ANKRD46: variants seen among roughly 807,000 people sequenced by gnomAD.
The protein encoded by ANKRD46 is ankyrin repeat domain 46.
ANKRD46 carries 13 observed loss-of-function variants against 19.8 expected under a neutral mutation model. The observed-to-expected ratio is 0.66, with a 90% CI of 0.43 to 1.04. The LOEUF (loss-of-function observed/expected upper bound fraction) is 1.04, where lower values mean the gene tolerates loss of function less well. ANKRD46 is among the 50% of genes least tolerant of loss of function. The probability of loss-of-function intolerance (pLI) is 0.00; values close to 1 mark genes in which losing one functional copy is unlikely to be tolerated. For missense variants in ANKRD46, 185 were observed against 274.8 expected (o/e 0.67, Z 2.31); for synonymous variants, 91 against 106.9 (o/e 0.85, Z 0.92).
At position 100,546,045 on chromosome 8, in the gene ANKRD46, T is replaced by C. The variant is rs1164830013; in HGVS notation, c.-130-12734A>G. Among the ~76,000 whole-genome samples, 6 of 152,346 alleles carry C rather than the reference T, an allele frequency of 3.9e-5. No homozygotes were observed. The East Asian group carries it at 7.7e-4, about 20-fold the overall frequency. ...GTGTTCACGAAGAGATAATCTGCAA[T>C]TGGAACTTCTGTTTAAAAGCGAAGC... On this transcript the variant is annotated intron_variant, in intron 1 of 4. Transcript: ENST00000335659. This position sits in a 1 kb window ranked among gnomAD's most constrained non-coding sequence, Gnocchi z 4.0.
At chr8:100,542,731 T>C (rs553626760) in intron 1 of ANKRD46, among the ~76,000 whole-genome samples, 38 of 152,066 alleles carry the variant, frequency 2.5e-4, no homozygotes, top group Admixed American at 2.0e-3. Flanking sequence ...TTCATGAGGA[T>C]AGAAATAAAT....
At chr8:100,514,952 C>T (rs1009178542) in intron 5 of ANKRD46, among the ~76,000 whole-genome samples, 22 of 152,088 alleles carry the variant, frequency 1.4e-4, no homozygotes, top group Non-Finnish European at 2.6e-4. Context: ...ATTCCCCCAT[C>T]TTTACACATA....
At chr8:100,517,645 T>C (rs1312200196), downstream of ANKRD46, among the ~76,000 whole-genome samples, 2 of 152,226 alleles carry the variant, frequency 1.3e-5, no homozygotes, top group Non-Finnish European at 2.9e-5. Context: ...TGCCAGCCTA[T>C]GTGTGCTTTG....
intron 1 of ANKRD46, among the ~76,000 whole-genome samples, chr8:100,552,606 C>T (rs1420530873): frequency 2.0e-5 from 3 of 152,168 alleles, no homozygotes; most frequent in East Asian, 1.9e-4. Context: ...ATATCACATT[C>T]CCTAGCTATT....
chr8:100,528,029 T>G (rs549481711), intron 3 of ANKRD46, 26 bp from the exon 4 acceptor site: 101 of 1,360,362 alleles, frequency 7.4e-5, no homozygotes, highest in Non-Finnish European at 9.4e-5. Context: ...AAAAAAAAAG[T>G]TTATAAAAAT....
At chr8:100,535,601 C>T (rs1232787731) in intron 1 of ANKRD46, among the ~76,000 whole-genome samples, 1 of 152,182 alleles carries the variant, frequency 6.6e-6, no homozygotes, top group African/African-American at 2.4e-5. Context: ...CCTAGTCTTC[C>T]ACTTCTTTAA....
Position 100,522,333 on chromosome 8 carries a change from A to G in ANKRD46, c.*222T>C. 1 of 1,359,244 alleles carries G rather than the reference A, an allele frequency of 7.4e-7. No homozygotes were observed. The highest frequency in any genetic ancestry group is 2.8e-5 in the East Asian group (1 of 35,136). The allele number at this position is 1,359,244 out of a possible 1,614,324, so 84.2% of individuals were successfully genotyped here. ...TACGTGTAGGCTTTCCTACAAAGTCAGGTTGAGTCAGAGGTAGCGTTAGGA... is the reference window on the plus strand; with the variant it reads ...TACGTGTAGGCTTTCCTACAAAGTCGGGTTGAGTCAGAGGTAGCGTTAGGA... On this transcript the variant is annotated 3_prime_UTR_variant, in exon 5 of 5. Transcript: ENST00000335659.
Position 100,545,314 on chromosome 8 carries a change from C to T in ANKRD46, c.-130-12003G>A, listed in dbSNP as rs537711523. On this transcript the variant is annotated intron_variant, in intron 1 of 4. Coordinates refer to ENST00000335659, the MANE Select transcript of ANKRD46 (RefSeq NM_001270377.2). This position sits in a 1 kb window ranked among gnomAD's most constrained non-coding sequence, Gnocchi z 4.7. The stretch of plus-strand genomic sequence containing the variant: ...AGTCCCCACATATCAAGGAAGGGAC[C>T]TGGTGGGAGGTGAATGGAGCATGGG... Among the ~76,000 whole-genome samples the T allele has an allele frequency of 3.3e-4, 50 of 152,034 alleles. No homozygotes were observed. The highest frequency in any genetic ancestry group is 1.0e-3 in the Admixed American group (16 of 15,266).
At chr8:100,552,769 CA>C (rs779052376) in intron 1 of ANKRD46, among the ~76,000 whole-genome samples, 51 of 152,300 alleles carry the variant, frequency 3.3e-4, no homozygotes, top group Non-Finnish European at 5.9e-4. Flanking sequence ...AGCAAGTATA[CA>C]GAGTGAGGCA....
rs1011894792 is a variant in ANKRD46, at chr8:100,524,851, G to A, written c.471-2080C>T. Among the ~76,000 whole-genome samples the A allele has an allele frequency of 2.6e-5, 4 of 152,160 alleles. No homozygotes were observed. The highest frequency in any genetic ancestry group is 6.5e-5 in the Admixed American group (1 of 15,280). ...TTTATCCAATGAAATGCTTTCTACT[G>A]TCCAGGGAATATCTGATTCTAACAT... On this transcript the variant is annotated intron_variant, in intron 4 of 4. Transcript: ENST00000335659. The surrounding 1 kb of genome is among the most constrained non-coding windows in gnomAD (Gnocchi z 4.3).
At chr8:100,539,414 A>G (rs992378715) in intron 1 of ANKRD46, among the ~76,000 whole-genome samples, 4 of 152,252 alleles carry the variant, frequency 2.6e-5, no homozygotes, top group Non-Finnish European at 5.9e-5. Flanking sequence ...ATATCCCAGT[A>G]CTATGAAGAA....
downstream of ANKRD46, among the ~76,000 whole-genome samples, chr8:100,519,272 C>G (rs781596885): frequency 1.3e-5 from 2 of 152,176 alleles, no homozygotes; most frequent in Non-Finnish European, 2.9e-5. Flanking sequence ...TTGTTTGCAT[C>G]AAAGTTTCCT....
rs553298677 is a variant in ANKRD46, at chr8:100,549,050, GA to G, written c.-131+10660del. Among the ~76,000 whole-genome samples, 117 of 140,584 alleles carry G rather than the reference GA, an allele frequency of 8.3e-4. 1 individual carries two copies. The highest frequency in any genetic ancestry group is 2.1e-3 in the African/African-American group (80 of 38,620). 92.2% of individuals were successfully genotyped at this position (140,584 alleles called of 152,430 possible). A position where few individuals can be genotyped will look rare whatever the true frequency, so the allele number is the denominator to read the frequency against. ...AAATTTTAAAGATTTACCCAGAAATGAAAAAAAAAAGTAATTTGGGTATTTC... is the reference window on the plus strand; with the variant it reads ...AAATTTTAAAGATTTACCCAGAAATGAAAAAAAAAGTAATTTGGGTATTTC... On this transcript the variant is annotated intron_variant, in intron 1 of 4. Transcript: ENST00000335659.
intron 1 of ANKRD46, among the ~76,000 whole-genome samples, chr8:100,538,973 A>C (rs1396634817): frequency 6.6e-6 from 1 of 152,222 alleles, no homozygotes; most frequent in East Asian, 1.9e-4. Flanking sequence ...TTCCTATCAC[A>C]TAGATTCAAT....
At chr8:100,551,040 C>T (rs998477272) in intron 1 of ANKRD46, 16 of 512,820 alleles carry the variant, frequency 3.1e-5, no homozygotes, top group Admixed American at 8.7e-5. Flanking sequence ...TGCTAGTGAG[C>T]TTCCTGTTCA....
In ANKRD46 at chr8:100,555,884, GCTGTAT is replaced by G. The variant is rs577738101; in HGVS notation, c.-131+3821_-131+3826del. 1.4e-4 allele frequency among the ~76,000 whole-genome samples: 22 copies of G among 152,092 alleles called. No homozygotes were observed. The East Asian group carries it at 4.1e-3, about 28-fold the overall frequency. ...TTTTACATCTACAATGCAACAGATGGCTGTATTTGCTATGGAAAAGGCACATTTATC... is the reference window on the plus strand; with the variant it reads ...TTTTACATCTACAATGCAACAGATGGTTGCTATGGAAAAGGCACATTTATC... On this transcript the variant is annotated intron_variant, in intron 1 of 4. Coordinates refer to ENST00000335659, the MANE Select transcript of ANKRD46 (RefSeq NM_001270377.2).
chr8:100,513,809 C>T (rs968552009), intron 5 of ANKRD46, among the ~76,000 whole-genome samples: 5 of 152,142 alleles, frequency 3.3e-5, no homozygotes, highest in Non-Finnish European at 7.4e-5. Context: ...TTCTCCTAAA[C>T]TTGAATCACA....
At chr8:100,539,859 G>T (rs1318662341) in intron 1 of ANKRD46, among the ~76,000 whole-genome samples, 1 of 151,980 alleles carries the variant, frequency 6.6e-6, no homozygotes, top group Non-Finnish European at 1.5e-5. Context: ...GACTAGCCTG[G>T]GCAACAATGC....
In ANKRD46 at chr8:100,527,948, C is replaced by G; in HGVS notation, c.367G>C (p.Asp123His). 6.3e-7 allele frequency: 1 copy of G among 1,591,466 alleles called. No individual in the cohort carries two copies. The highest frequency in any genetic ancestry group is 1.4e-5 in the African/African-American group (1 of 71,408). ...AAAGATTCCAGCAATCGGATGACAT[C>G]TTTATTTACTCCTCTGCGCTTTGCC... ...VLAKRRGVNK[D>H]VIRLLESLEE... Residue 123 changes from aspartate to histidine, a missense_variant, in exon 4 of 5, where the codon GAT becomes CAT. Physicochemically the swap from Asp to His is moderately conservative, Grantham distance 81 (BLOSUM62 -1). Transcript: ENST00000335659. The surrounding 1 kb of genome is among the most constrained non-coding windows in gnomAD (Gnocchi z 4.0).
Sources: gnomAD v4.1 joint callset for allele counts (sites outside exome capture counted in the v4.1 genomes callset) on GRCh38, gnomAD v4.1.1 for gene constraint, Gnocchi (gnomAD v3.1) non-coding constraint, MANE v1.5 for transcripts, NCBI Gene and HGNC (gene_info 2026-07-23, HGNC 2026-07-21) for gene names.